AKAIN1: variants seen among roughly 807,000 people sequenced by gnomAD.
The protein encoded by AKAIN1 is A-kinase anchor protein inhibitor 1.
Under a neutral mutation model 3.7 loss-of-function variants are expected in AKAIN1, and 3 were observed. The ratio of observed to expected loss-of-function variants is 0.82; its 90% confidence interval spans 0.37 to 2.12. The LOEUF is 2.12. AKAIN1 is among the 30% of genes most tolerant of loss of function. AKAIN1 has a pLI of 0.06. For missense variants in AKAIN1, 82 were observed against 82.7 expected (o/e 0.99, Z 0.03); for synonymous variants, 31 against 30.8 (o/e 1.01, Z -0.02).
intron 1 of AKAIN1, among the ~76,000 whole-genome samples, chr18:5,169,685 T>C (rs986340706): frequency 1.3e-5 from 2 of 152,154 alleles, no homozygotes; most frequent in Non-Finnish European, 2.9e-5. Context: ...TTTATCTGGA[T>C]TTTTAAAAAT....
intron 1 of AKAIN1, among the ~76,000 whole-genome samples, chr18:5,183,765 C>T (rs1480830049): frequency 2.6e-5 from 4 of 152,026 alleles, no homozygotes; most frequent in Non-Finnish European, 5.9e-5. Context: ...TTCCCATGAG[C>T]CTCTATCACA....
intron 1 of AKAIN1, among the ~76,000 whole-genome samples, chr18:5,161,346 T>G (rs1225282684): frequency 6.6e-6 from 1 of 152,094 alleles, no homozygotes; most frequent in African/African-American, 2.4e-5. Context: ...TTATTGTTAA[T>G]GTATAGAAAT....
intron 1 of AKAIN1, among the ~76,000 whole-genome samples, chr18:5,151,546 TA>T (rs1207903410): frequency 6.6e-6 from 1 of 152,100 alleles, no homozygotes; most frequent in Non-Finnish European, 1.5e-5. Context: ...GCATTTTAGG[TA>T]GATTTGAGAT....
At chr18:5,179,021 G>A (rs1292702190) in intron 1 of AKAIN1, among the ~76,000 whole-genome samples, 3 of 152,122 alleles carry the variant, frequency 2.0e-5, no homozygotes, top group East Asian at 3.9e-4. Flanking sequence ...GAGAAACTAA[G>A]GAGAAAACAT....
chr18:5,147,760 G>A (rs939440087), intron 1 of AKAIN1, among the ~76,000 whole-genome samples: 4 of 152,146 alleles, frequency 2.6e-5, no homozygotes, highest in Non-Finnish European at 4.4e-5. Context: ...TATTGAGAGC[G>A]AAGAACAATA....
intron 1 of AKAIN1, among the ~76,000 whole-genome samples, chr18:5,168,325 T>C (rs773158839): frequency 1.9e-4 from 29 of 152,106 alleles, no homozygotes; most frequent in Non-Finnish European, 4.0e-4. Flanking sequence ...CCTTTCTTAA[T>C]AACCAGGACA....
At chr18:5,153,058 G>T (rs868169122) in intron 1 of AKAIN1, among the ~76,000 whole-genome samples, 1 of 152,334 alleles carries the variant, frequency 6.6e-6, no homozygotes, top group African/African-American at 2.4e-5. Flanking sequence ...GAAAGGCCAA[G>T]GGGAAAAGGA....
intron 1 of AKAIN1, among the ~76,000 whole-genome samples, chr18:5,155,551 C>G (rs147428447): frequency 1.3e-5 from 2 of 152,180 alleles, no homozygotes. Context: ...GGCTGCCCTG[C>G]AGGCTGTAGC....
In AKAIN1 at chr18:5,144,364, A is replaced by G. The variant is rs926226305; in HGVS notation, c.*1198T>C. Among the ~76,000 whole-genome samples, 1 of 152,222 alleles carries G rather than the reference A, an allele frequency of 6.6e-6. No homozygotes were observed. Among genetic ancestry groups the G allele is most frequent in the East Asian group, 1.9e-4 (1 of 5,198 alleles). ...AGGTCAAATTCTTCCTCTGTCCCCA[A>G]TAGCACCAATTCAATAACTTTTGTG... On this transcript the variant is annotated 3_prime_UTR_variant, in exon 2 of 2. Transcript: ENST00000434239.
intron 1 of AKAIN1, among the ~76,000 whole-genome samples, chr18:5,175,354 T>C (rs1252318861): frequency 1.3e-5 from 2 of 152,286 alleles, no homozygotes; most frequent in East Asian, 1.9e-4. Flanking sequence ...TGGAAGGCCA[T>C]GCTTTCTATT....
intron 1 of AKAIN1, among the ~76,000 whole-genome samples, chr18:5,193,101 T>C (rs1178871212): frequency 3.3e-5 from 5 of 152,198 alleles, no homozygotes; most frequent in Non-Finnish European, 2.9e-5. Context: ...TTTATATAAA[T>C]GAATAAAAGT....
At chr18:5,179,420 T>TGC (rs2143366067) in intron 1 of AKAIN1, among the ~76,000 whole-genome samples, 1 of 120,918 alleles carries the variant, frequency 8.3e-6, no homozygotes. Context: ...TGTATGTATG[T>TGC]GTGTATATAT....
Position 5,143,866 on chromosome 18 carries a change from G to A in AKAIN1, c.*1696C>T, listed in dbSNP as rs1414677436. On this transcript the variant is annotated 3_prime_UTR_variant, in exon 2 of 2. Coordinates refer to ENST00000434239, the MANE Select transcript of AKAIN1 (RefSeq NM_001145194.2). The stretch of plus-strand genomic sequence containing the variant: ...ATATCCAGATATCTGAGTAGACATA[G>A]TACCAGATCACTTACAAACTACAAG... Among the ~76,000 whole-genome samples the A allele has an allele frequency of 6.6e-6, 1 of 152,176 alleles. No individual in the cohort carries two copies. The highest frequency in any genetic ancestry group is 2.4e-5 in the African/African-American group (1 of 41,438).
chr18:5,166,559 A>G (rs2143339870), intron 1 of AKAIN1, among the ~76,000 whole-genome samples: 1 of 152,232 alleles, frequency 6.6e-6, no homozygotes, highest in Middle Eastern at 3.4e-3. Context: ...TGAAATAAGA[A>G]CCATCTTTAA....
At chr18:5,170,852 C>T (rs383907) in intron 1 of AKAIN1, 7,320 of 152,198 alleles carry the variant, frequency 0.048, 449 homozygotes, top group African/African-American at 0.14. Context: ...ACAACAGATG[C>T]AAGGAGACCT....
chr18:5,183,125 T>C (rs2071268091), intron 1 of AKAIN1, among the ~76,000 whole-genome samples: 1 of 152,084 alleles, frequency 6.6e-6, no homozygotes, highest in African/African-American at 2.4e-5. Flanking sequence ...GCCTCACTTT[T>C]ATCATCTGAA....
intron 1 of AKAIN1, among the ~76,000 whole-genome samples, chr18:5,153,567 C>T (rs915317132): frequency 1.3e-5 from 2 of 152,014 alleles, no homozygotes; most frequent in African/African-American, 2.4e-5. Flanking sequence ...TAGGGCTTGG[C>T]CAAGTAGTTA....
chr18:5,155,843 T>C (rs2071105160), intron 1 of AKAIN1, among the ~76,000 whole-genome samples: 1 of 152,180 alleles, frequency 6.6e-6, no homozygotes, highest in South Asian at 2.1e-4. Context: ...CTGCAGGACC[T>C]TCCGTAGCCT....
At chr18:5,162,299 G>C (rs542215252) in intron 1 of AKAIN1, among the ~76,000 whole-genome samples, 1 of 152,072 alleles carries the variant, frequency 6.6e-6, no homozygotes, top group Admixed American at 6.6e-5. Flanking sequence ...AAATCCTGCT[G>C]CTCTGACTGC....
Sources: gnomAD v4.1 joint callset for allele counts (sites outside exome capture counted in the v4.1 genomes callset) on GRCh38, gnomAD v4.1.1 for gene constraint, MANE v1.5 for transcripts, NCBI Gene and HGNC (gene_info 2026-07-23, HGNC 2026-07-21) for gene names.